Variants in DLC1 observed in about 807,000 individuals in gnomAD.
The protein encoded by DLC1 is DLC1 Rho GTPase activating protein.
A neutral mutation model predicts 140.3 loss-of-function variants in DLC1; 54 were observed. The ratio of observed to expected loss-of-function variants is 0.38; its 90% CI spans 0.31 to 0.48. DLC1 has a LOEUF of 0.48. DLC1 is among the 20% of genes least tolerant of loss of function. The pLI, the probability that DLC1 is intolerant of heterozygous loss-of-function variation, is 0.96. For missense variants in DLC1, 2,536 were observed against 1,907.0 expected, an observed-to-expected ratio of 1.33 and a Z score of -6.14; for synonymous variants, 986 against 728.1, an observed-to-expected ratio of 1.35 and a Z score of -5.70.
chr8:13,306,197 G>A lies in DLC1; in HGVS notation c.1315-895C>T, dbSNP rs1586104334. The stretch of plus-strand genomic sequence containing the variant: ...CCTTGGTCCAGTGGGTTAGTTGACT[G>A]ATGTGAAAGATTTAGAAGCTCAATC... On this transcript the variant is annotated intron_variant, in intron 4 of 17. Coordinates refer to ENST00000276297, the MANE Select transcript of DLC1 (RefSeq NM_182643.3). 7.9e-5 allele frequency among the ~76,000 whole-genome samples: 12 copies of A among 152,300 alleles called. No homozygotes were observed. The South Asian group carries it at 2.5e-3, about 32-fold the overall frequency.
chr8:13,140,970 T>A (rs1822936252), intron 5 of DLC1, among the ~76,000 whole-genome samples: 1 of 152,154 alleles, frequency 6.6e-6, no homozygotes, highest in African/African-American at 2.4e-5. Context: ...AAAAGCCTGC[T>A]GTGGCTGGGT....
chr8:13,497,257 T>C (rs1010409315), intron 2 of DLC1, among the ~76,000 whole-genome samples: 7 of 152,188 alleles, frequency 4.6e-5, no homozygotes, highest in African/African-American at 1.4e-4. Context: ...AATTCAATGG[T>C]ATTTTAACAC....
At chr8:13,470,397 A>T (rs988361250) in intron 2 of DLC1, among the ~76,000 whole-genome samples, 1 of 146,940 alleles carries the variant, frequency 6.8e-6, no homozygotes, top group African/African-American at 2.4e-5. Flanking sequence ...CCAAACAAAC[A>T]ACAGAAAGCC....
chr8:13,452,778 G>A (rs1246648848), intron 2 of DLC1, among the ~76,000 whole-genome samples: 1 of 152,096 alleles, frequency 6.6e-6, no homozygotes, highest in Non-Finnish European at 1.5e-5. Context: ...GTTAGTTTAA[G>A]CATACAATCA....
intron 2 of DLC1, among the ~76,000 whole-genome samples, chr8:13,445,205 C>T (rs953172753): frequency 3.9e-5 from 6 of 152,128 alleles, no homozygotes; most frequent in East Asian, 1.9e-4. Context: ...TTATTGCATG[C>T]TCTTGGTGTC....
intron 1 of DLC1, among the ~76,000 whole-genome samples, chr8:13,520,265 C>T (rs1312733173): frequency 1.3e-5 from 2 of 152,210 alleles, no homozygotes; most frequent in South Asian, 2.1e-4. Context: ...AAATGTGGCA[C>T]ATATACACCA....
Position 13,099,940 on chromosome 8 carries a change from C to G in DLC1, c.2397G>C (p.Glu799Asp), listed in dbSNP as rs1484603625. Residue 799 changes from glutamate (E) to aspartate (D), a missense_variant, in exon 9 of 18, where the codon GAG becomes GAC. Transcript: ENST00000276297. ...NVVEQNFKNR[E>D]SYPEDTVFYI... ...AGAACACCGTGTCCTCTGGGTAGCT[C>G]TCGCGGTTCTTAAAGTTCTGCTCCA... 1.9e-6 allele frequency: 3 copies of G among 1,613,384 alleles called. No individual in the cohort carries two copies. In the African/African-American group the frequency reaches 4.0e-5, roughly 22 times the overall value.
At chr8:13,252,820 T>C (rs1337103272) in intron 5 of DLC1, among the ~76,000 whole-genome samples, 1 of 152,148 alleles carries the variant, frequency 6.6e-6, no homozygotes, top group Non-Finnish European at 1.5e-5. Flanking sequence ...CAAATAGTAA[T>C]GACACAGGAA....
At chr8:13,520,396 T>A (rs924235749) in intron 1 of DLC1, among the ~76,000 whole-genome samples, 4 of 152,060 alleles carry the variant, frequency 2.6e-5, no homozygotes, top group Non-Finnish European at 5.9e-5. Context: ...TACCGCATGT[T>A]CTCACCCATA....
intron 4 of DLC1, among the ~76,000 whole-genome samples, chr8:13,316,233 C>A (rs1208290081): frequency 2.6e-5 from 4 of 152,146 alleles, no homozygotes; most frequent in Admixed American, 2.6e-4. Context: ...CTGCAGCAGC[C>A]TGTAGGACTC....
At chr8:13,455,319 G>C (rs1585138212) in intron 2 of DLC1, among the ~76,000 whole-genome samples, 1 of 152,284 alleles carries the variant, frequency 6.6e-6, no homozygotes, top group East Asian at 1.9e-4. Context: ...CTGTTAAAAT[G>C]CATGTGTTAG....
intron 2 of DLC1, among the ~76,000 whole-genome samples, chr8:13,435,396 C>G (rs965000209): frequency 2.0e-5 from 3 of 152,066 alleles, no homozygotes; most frequent in Non-Finnish European, 4.4e-5. Flanking sequence ...TCACTGCAAA[C>G]TCCACCTCCC....
intron 4 of DLC1, among the ~76,000 whole-genome samples, chr8:13,380,219 G>C (rs1423642345): frequency 6.6e-6 from 1 of 152,198 alleles, no homozygotes; most frequent in Non-Finnish European, 1.5e-5. Flanking sequence ...AAACGAGTTA[G>C]AGTCTAGGCA....
chr8:13,438,203 C>T (rs942530503), intron 2 of DLC1, among the ~76,000 whole-genome samples: 1 of 152,088 alleles, frequency 6.6e-6, no homozygotes, highest in African/African-American at 2.4e-5. Flanking sequence ...TAAATTAAAT[C>T]AGAATCTCTT....
chr8:13,094,760 T>C lies in DLC1; in HGVS notation c.3525A>G (p.Gln1175=), dbSNP rs1485629588. The C allele has an allele frequency of 1.9e-6, 3 of 1,614,170 alleles. No individual in the cohort carries two copies. Among genetic ancestry groups the C allele is most frequent in the Non-Finnish European group, 2.5e-6 (3 of 1,180,012 alleles). The part of the protein sequence containing the change: ...KLSETFLQIY[Q]YVPKDQRLQA... ...ATCTTAAGATCAAAGGACACTCACA[T>C]TGGTAGATCTGTAGAAAGGTTTCCG... Residue 1175 remains glutamine (Q), a splice_region_variant and synonymous_variant, in exon 12 of 18, where the codon CAA becomes CAG. Transcript: ENST00000276297.
At chr8:13,263,406 A>G (rs1830546021) in intron 5 of DLC1, among the ~76,000 whole-genome samples, 1 of 152,166 alleles carries the variant, frequency 6.6e-6, no homozygotes, top group South Asian at 2.1e-4. Context: ...ATCTTTAAAT[A>G]GACACTTAGT....
intron 2 of DLC1, among the ~76,000 whole-genome samples, chr8:13,493,782 T>G (rs1801373273): frequency 6.6e-6 from 1 of 152,230 alleles, no homozygotes; most frequent in Admixed American, 6.5e-5. Flanking sequence ...CTGCACAATT[T>G]ACTATCTTCT....
At chr8:13,224,139 G>T (rs2117170254) in intron 5 of DLC1, among the ~76,000 whole-genome samples, 1 of 152,286 alleles carries the variant, frequency 6.6e-6, no homozygotes, top group East Asian at 1.9e-4. Flanking sequence ...GCAATTAACT[G>T]AGATCCAGGT....
At chr8:13,089,376 C>T (rs964961677) in intron 15 of DLC1, among the ~76,000 whole-genome samples, 1 of 151,784 alleles carries the variant, frequency 6.6e-6, no homozygotes, top group Non-Finnish European at 1.5e-5. Flanking sequence ...GCCTATAATC[C>T]CAGCACTTTG....
Sources: gnomAD v4.1 joint callset for allele counts (sites outside exome capture counted in the v4.1 genomes callset) on GRCh38, gnomAD v4.1.1 for gene constraint, MANE v1.5 for transcripts, NCBI Gene and HGNC (gene_info 2026-07-23, HGNC 2026-07-21) for gene names.